GRB10: variants seen among roughly 807,000 people sequenced by gnomAD.
The protein encoded by GRB10 is growth factor receptor-bound protein 10.
In GRB10, 20 loss-of-function variants were observed where a neutral mutation model predicts 80.9. The ratio of observed to expected loss-of-function variants is 0.25; its 90% CI spans 0.17 to 0.36. The LOEUF is 0.36. Among genes scored for constraint, GRB10 ranks in the 10% least tolerant of loss-of-function variants. The pLI is 1.00. For synonymous variants in GRB10, 291 were observed against 291.5 expected (o/e 1.00, Z 0.02); for missense variants, 548 against 747.7 (o/e 0.73, Z 3.12).
intron 5 of GRB10, among the ~76,000 whole-genome samples, chr7:50,692,315 T>C (rs1196821851): frequency 1.3e-5 from 2 of 151,912 alleles, no homozygotes; most frequent in East Asian, 1.9e-4. Flanking sequence ...CACGCACACA[T>C]ATATATATAA....
chr7:50,693,597 A>G (rs576698234), intron 5 of GRB10, among the ~76,000 whole-genome samples: 2 of 152,318 alleles, frequency 1.3e-5, no homozygotes, highest in South Asian at 4.1e-4. Context: ...AACTGAGAGA[A>G]TGAACTACTT....
chr7:50,608,776 G>T (rs1007919184), intron 13 of GRB10, among the ~76,000 whole-genome samples: 17 of 152,076 alleles, frequency 1.1e-4, no homozygotes, highest in Non-Finnish European at 2.9e-5. Flanking sequence ...ACCAGCCTAG[G>T]CAACATGGCA....
rs139499262 is a variant in GRB10, at chr7:50,598,953, A to AGG, written c.1545-3425_1545-3424dup. 6.6e-5 allele frequency among the ~76,000 whole-genome samples: 8 copies of AGG among 122,052 alleles called. No individual in the cohort carries two copies. In the South Asian group the frequency reaches 1.2e-3, roughly 19 times the overall value. 80.1% of individuals were successfully genotyped at this position (122,052 alleles called of 152,430 possible). The stretch of plus-strand genomic sequence containing the variant: ...GCTGGACCATGAGTGTGGGCATGGC[A>AGG]GGGGGGGCATCCACATGCCCTGGGG... On this transcript the variant is annotated intron_variant, in intron 17 of 18. Transcript: ENST00000401949.
chr7:50,697,229 A>T (rs1188596322), intron 5 of GRB10, among the ~76,000 whole-genome samples: 1 of 152,240 alleles, frequency 6.6e-6, no homozygotes, highest in Non-Finnish European at 1.5e-5. Context: ...TGATGGTTGC[A>T]CAACACTGTT....
chr7:50,647,386 A>C (rs17133922), intron 7 of GRB10, among the ~76,000 whole-genome samples: 40,842 of 152,204 alleles, frequency 0.27, 6,702 homozygotes, highest in Middle Eastern at 0.5. Context: ...GATTTGAGTC[A>C]GATTGGCCGA....
intron 3 of GRB10, among the ~76,000 whole-genome samples, 160 bp from the exon 4 acceptor site, chr7:50,732,528 A>T (rs1406744637): frequency 1.3e-5 from 2 of 152,142 alleles, no homozygotes; most frequent in Admixed American, 6.5e-5. Flanking sequence ...TTTTGCTGAC[A>T]TGCAGAGATG....
intron 2 of GRB10, among the ~76,000 whole-genome samples, chr7:50,756,612 G>A (rs1465364038): frequency 6.6e-6 from 1 of 152,172 alleles, no homozygotes. Flanking sequence ...TCTGATCTTT[G>A]ATTCATCACT....
chr7:50,734,935 A>T (rs2070528129), intron 3 of GRB10, among the ~76,000 whole-genome samples: 2 of 152,220 alleles, frequency 1.3e-5, no homozygotes, highest in Non-Finnish European at 2.9e-5. Flanking sequence ...TATTCAACAT[A>T]GTATTGGAAG....
chr7:50,788,748 G>A (rs756429811), intron 1 of GRB10, among the ~76,000 whole-genome samples: 10 of 152,314 alleles, frequency 6.6e-5, no homozygotes, highest in Admixed American at 1.3e-4. Flanking sequence ...GATAGAGCTC[G>A]GAGCCACATC....
At chr7:50,718,899 C>T (rs182599460) in intron 4 of GRB10, among the ~76,000 whole-genome samples, 1 of 152,184 alleles carries the variant, frequency 6.6e-6, no homozygotes, top group East Asian at 1.9e-4. Flanking sequence ...TCATGGATAA[C>T]CAATCACAGA....
At chr7:50,757,324 G>A (rs2075224518) in intron 2 of GRB10, among the ~76,000 whole-genome samples, 1 of 152,216 alleles carries the variant, frequency 6.6e-6, no homozygotes. Context: ...TGCATATAAA[G>A]GCTTAGGACA....
chr7:50,661,068 C>A (rs1429528245), intron 7 of GRB10, among the ~76,000 whole-genome samples: 4 of 152,198 alleles, frequency 2.6e-5, no homozygotes, highest in African/African-American at 9.6e-5. Flanking sequence ...CTCAGCAAGG[C>A]CCACCAGCAA....
intron 17 of GRB10, 81 bp downstream of exon 17, chr7:50,603,917 G>T: frequency 8.8e-7 from 1 of 1,133,772 alleles, no homozygotes. Flanking sequence ...CAGCAAGGAT[G>T]TCTGAGGAAT....
At chr7:50,719,786 C>T (rs1298748960) in intron 4 of GRB10, among the ~76,000 whole-genome samples, 1 of 152,026 alleles carries the variant, frequency 6.6e-6, no homozygotes, top group African/African-American at 2.4e-5. Context: ...CTTACATTTC[C>T]ACTACACTTT....
chr7:50,742,250 AACAC>A (rs1563674718), intron 3 of GRB10, among the ~76,000 whole-genome samples: 13 of 63,068 alleles, frequency 2.1e-4, no homozygotes, highest in African/African-American at 4.7e-4. Flanking sequence ...TCTATGTGTA[AACAC>A]ACGCGCACGC....
At position 50,616,226 on chromosome 7, in the gene GRB10, G is replaced by C. The variant is rs200796219; in HGVS notation, c.968C>G (p.Thr323Ser). ...AAAGCTCACCTTTGAAGTTCCCTTG[G>C]TGGAGCAATAAAGGCCAGATCTCCG... ...CLRRSGLYCS[T>S]KGTSKEPRHL... The change falls in exon 11 of 19, where the codon ACC becomes AGC. Residue 323 changes from threonine to serine, a missense_variant. Coordinates refer to ENST00000401949, the MANE Select transcript of GRB10 (RefSeq NM_001350814.2). 6.2e-6 allele frequency: 10 copies of C among 1,614,208 alleles called. No homozygotes were observed. Among genetic ancestry groups the C allele is most frequent in the Non-Finnish European group, 7.6e-6 (9 of 1,180,038 alleles).
At position 50,626,860 on chromosome 7, in the gene GRB10, C is replaced by G. The variant is rs1470561576; in HGVS notation, c.623G>C (p.Ser208Thr). ...CGGGTGGTGCTCCACTAGTGTCCAG[C>G]TGTTGTCATCCACACAGTGACTTTT... ...VYKSHCVDDNSWTLVEHHPHL... is the reference protein window; with the variant it reads ...VYKSHCVDDNTWTLVEHHPHL... The change falls in exon 8 of 19, where the codon AGC becomes ACC. Residue 208 changes from serine (S) to threonine (T), a missense_variant. By Grantham distance (58) the Ser-to-Thr change is moderately conservative. Transcript: ENST00000401949. 1.2e-6 allele frequency: 2 copies of G among 1,614,160 alleles called. No homozygotes were observed. Among genetic ancestry groups the G allele is most frequent in the Admixed American group, 3.3e-5 (2 of 60,020 alleles).
At chr7:50,626,299 T>C (rs748964111) in intron 8 of GRB10, among the ~76,000 whole-genome samples, 5 of 152,242 alleles carry the variant, frequency 3.3e-5, no homozygotes, top group Admixed American at 6.5e-5. Flanking sequence ...AGAGATGCCA[T>C]GTAAGACTCA....
intron 5 of GRB10, among the ~76,000 whole-genome samples, chr7:50,684,801 T>A (rs1188926964): frequency 1.3e-5 from 2 of 152,256 alleles, no homozygotes; most frequent in Non-Finnish European, 2.9e-5. Context: ...AAGTCTTCCT[T>A]AGCCATTTGA....
Sources: gnomAD v4.1 joint callset for allele counts (sites outside exome capture counted in the v4.1 genomes callset) on GRCh38, gnomAD v4.1.1 for gene constraint, MANE v1.5 for transcripts, NCBI Gene and HGNC (gene_info 2026-07-23, HGNC 2026-07-21) for gene names.